Variants in PWWP3B observed in about 807,000 individuals in gnomAD.
PWWP3B encodes the protein PWWP domain-containing DNA repair factor 3B.
Under a neutral mutation model 15.7 loss-of-function variants are expected in PWWP3B, and 5 were observed. The ratio of observed to expected loss-of-function variants is 0.32; its 90% confidence interval spans 0.17 to 0.67. The LOEUF is 0.67. PWWP3B is among the 30% of genes least tolerant of loss of function. PWWP3B has a pLI of 0.74. For synonymous variants in PWWP3B, 203 were observed against 179.8 expected, an observed-to-expected ratio of 1.13 and a Z score of -1.03; for missense variants, 519 against 493.1, an observed-to-expected ratio of 1.05 and a Z score of -0.50.
At chrX:106,205,047 G>T (rs775882213) in intron 3 of PWWP3B, among the ~76,000 whole-genome samples, 172 bp from the exon 4 acceptor site, 6 of 110,383 alleles carry the variant, frequency 5.4e-5, no homozygotes, top group Non-Finnish European at 1.1e-4. Flanking sequence ...AACTTTTCTG[G>T]TTTTTTTCCA....
At chrX:106,201,415 T>C (rs1339879471) in intron 2 of PWWP3B, among the ~76,000 whole-genome samples, 1 of 112,702 alleles carries the variant, frequency 8.9e-6, no homozygotes, top group Non-Finnish European at 1.9e-5. Flanking sequence ...ATGCCAGAGA[T>C]GGCAAGAAAA....
At chrX:106,173,484 C>A (rs1353898245) in intron 2 of PWWP3B, among the ~76,000 whole-genome samples, 1 of 111,332 alleles carries the variant, frequency 9.0e-6, no homozygotes, top group Admixed American at 9.6e-5. Flanking sequence ...TTCTCATCGT[C>A]TACCTTCATC....
chrX:106,201,994 G>C (rs1273401588), intron 2 of PWWP3B, among the ~76,000 whole-genome samples: 1 of 111,994 alleles, frequency 8.9e-6, no homozygotes, highest in Non-Finnish European at 1.9e-5. Context: ...CTAAATTAAG[G>C]CTTCAGTGCA....
chrX:106,176,425 T>G (rs1921902893), intron 2 of PWWP3B, among the ~76,000 whole-genome samples: 1 of 111,741 alleles, frequency 8.9e-6, no homozygotes, highest in South Asian at 3.7e-4. Flanking sequence ...GCCTAGAGGT[T>G]TGTAGCTGTA....
chrX:106,196,371 G>A (rs1923374956), intron 2 of PWWP3B, among the ~76,000 whole-genome samples: 3 of 111,907 alleles, frequency 2.7e-5, no homozygotes, highest in African/African-American at 6.5e-5. Flanking sequence ...CTGATTTTAG[G>A]GGAAAAGCAT....
rs1889773355 is a variant in PWWP3B, at chrX:106,207,595, T to C, written c.*72T>C. 1 of 994,915 alleles carries C rather than the reference T, an allele frequency of 1.0e-6. No homozygotes were observed. The highest frequency in any genetic ancestry group is 1.3e-6 in the Non-Finnish European group (1 of 759,860). 82.0% of individuals were successfully genotyped at this position (994,915 alleles called of 1,213,427 possible). A position where few individuals can be genotyped will look rare whatever the true frequency, so the allele number is the denominator to read the frequency against. The stretch of plus-strand genomic sequence containing the variant: ...GTTGAAAAAAGTCTCTGAACAATTC[T>C]CTCTAATACATATTTTCTGCAAATG... On this transcript the variant is annotated 3_prime_UTR_variant, in exon 4 of 4. Coordinates refer to ENST00000357175, the MANE Select transcript of PWWP3B (RefSeq NM_001171020.2).
At chrX:106,179,005 A>G (rs1214973795) in intron 2 of PWWP3B, among the ~76,000 whole-genome samples, 1 of 111,884 alleles carries the variant, frequency 8.9e-6, no homozygotes, top group East Asian at 2.8e-4. Context: ...TGTAGTTCCC[A>G]CCGTTCTCCC....
Position 106,171,066 on chromosome X carries a change from T to G in PWWP3B, c.-474T>G, listed in dbSNP as rs1055566852. On this transcript the variant is annotated 5_prime_UTR_variant, in exon 2 of 4. Coordinates refer to ENST00000357175, the MANE Select transcript of PWWP3B (RefSeq NM_001171020.2). ...GAAGTGCTGAGCCAGGTAAAGACCC[T>G]GCTGGACAAGCAGCTGGAGTGAGAA... 3.6e-5 allele frequency: 4 copies of G among 111,466 alleles called. No individual in the cohort carries two copies. The highest frequency in any genetic ancestry group is 6.5e-5 in the African/African-American group (2 of 30,625). The allele number at this position is 111,466 out of a possible 1,213,427, so 9.2% of individuals were successfully genotyped here.
intron 2 of PWWP3B, among the ~76,000 whole-genome samples, chrX:106,197,441 G>C (rs1923446779): frequency 9.0e-6 from 1 of 111,693 alleles, no homozygotes; most frequent in African/African-American, 3.3e-5. Context: ...TTCTCCTCTA[G>C]TGTCTTAAGG....
intron 2 of PWWP3B, among the ~76,000 whole-genome samples, chrX:106,180,938 A>C (rs1922159088): frequency 8.9e-6 from 1 of 112,078 alleles, no homozygotes; most frequent in Admixed American, 9.4e-5. Flanking sequence ...TAGGTCCTAA[A>C]CCCATGTCTC....
intron 2 of PWWP3B, among the ~76,000 whole-genome samples, chrX:106,189,776 C>T (rs1354172230): frequency 9.1e-6 from 1 of 109,424 alleles, no homozygotes; most frequent in Non-Finnish European, 1.9e-5. Flanking sequence ...TGCTACCACG[C>T]CCGGCTAATT....
At chrX:106,190,397 T>C in intron 2 of PWWP3B, among the ~76,000 whole-genome samples, 1 of 112,082 alleles carries the variant, frequency 8.9e-6, no homozygotes, top group Non-Finnish European at 1.9e-5. Flanking sequence ...GGTTGTTTGT[T>C]TTTTTCTTGT....
At chrX:106,193,082 A>T (rs950753568) in intron 2 of PWWP3B, among the ~76,000 whole-genome samples, 6 of 111,088 alleles carry the variant, frequency 5.4e-5, no homozygotes, top group Non-Finnish European at 1.1e-4. Flanking sequence ...GCTGAGTTCA[A>T]TTCCTGGGTA....
intron 2 of PWWP3B, among the ~76,000 whole-genome samples, chrX:106,189,826 C>T (rs1295112049): frequency 4.5e-5 from 5 of 109,992 alleles, no homozygotes; most frequent in Non-Finnish European, 7.6e-5. Flanking sequence ...ACCGTGTTAG[C>T]CAGGATGGTC....
rs186621362 is a variant in PWWP3B at position 106,183,031 on chromosome X, G to A, written c.-401+11892G>A. On this transcript the variant is annotated intron_variant, in intron 2 of 3. Transcript: ENST00000357175. ...GGACTCCTGAGCTGACGGTCCTGCA[G>A]GTTCCTCAGGGGATGTCCAAAGTTT... 5.1e-3 allele frequency among the ~76,000 whole-genome samples: 564 copies of A among 110,823 alleles called. 10 individuals are homozygous for A. Among genetic ancestry groups the A allele is most frequent in the African/African-American group, 0.018 (543 of 30,404 alleles).
intron 2 of PWWP3B, among the ~76,000 whole-genome samples, chrX:106,193,080 C>G (rs1045774123): frequency 9.2e-4 from 102 of 111,293 alleles, no homozygotes; most frequent in African/African-American, 3.1e-3. Flanking sequence ...GAGCTGAGTT[C>G]AATTCCTGGG....
chrX:106,204,201 C>T (rs754644784), intron 3 of PWWP3B, 31 bp downstream of exon 3: 3 of 112,232 alleles, frequency 2.7e-5, no homozygotes, highest in Non-Finnish European at 3.8e-5. Flanking sequence ...TAAAACATTT[C>T]ACGGTAGAAA....
At position 106,185,493 on chromosome X, in the gene PWWP3B, G is replaced by C. The variant is rs781588263; in HGVS notation, c.-401+14354G>C. Among the ~76,000 whole-genome samples the C allele has an allele frequency of 1.0e-3, 111 of 111,444 alleles. 1 individual carries two copies. The highest frequency in any genetic ancestry group is 3.3e-3 in the African/African-American group (102 of 30,700). Reference sequence around the variant, plus strand: ...CTGATCAGAGTAGTTGTGCTCACCAGTGCAGCAGCAGAAATACTAGTTTTC... The same window carrying C: ...CTGATCAGAGTAGTTGTGCTCACCACTGCAGCAGCAGAAATACTAGTTTTC... On this transcript the variant is annotated intron_variant, in intron 2 of 3. Transcript: ENST00000357175.
intron 2 of PWWP3B, among the ~76,000 whole-genome samples, chrX:106,179,048 G>A (rs746607829): frequency 1.6e-3 from 179 of 111,803 alleles, no homozygotes; most frequent in Non-Finnish European, 2.6e-3. Context: ...TCTGTTTCTC[G>A]TCACAAGATG....
Sources: gnomAD v4.1 joint callset for allele counts (sites outside exome capture counted in the v4.1 genomes callset) on GRCh38, gnomAD v4.1.1 for gene constraint, MANE v1.5 for transcripts, NCBI Gene and HGNC (gene_info 2026-07-23, HGNC 2026-07-21) for gene names.